Variants in CRYL1 observed in about 807,000 individuals in gnomAD.
The protein encoded by CRYL1 is crystallin lambda 1, also known as lambda-crystallin homolog.
CRYL1 carries 29 observed loss-of-function variants against 36.6 expected under a neutral mutation model. The ratio of observed to expected loss-of-function variants is 0.79; its 90% confidence interval spans 0.59 to 1.08. CRYL1 has a LOEUF of 1.08. CRYL1 is among the 50% of genes least tolerant of loss of function. CRYL1 has a pLI of 0.00. For missense variants in CRYL1, 411 were observed against 407.9 expected (o/e 1.01, Z -0.06); for synonymous variants, 152 against 151.5 (o/e 1.00, Z -0.02).
chr13:20,525,662 C>T lies in CRYL1; in HGVS notation c.41+92G>A. On this transcript the variant is annotated intron_variant, in intron 1 of 7. Transcript: ENST00000298248. This position sits in a 1 kb window ranked among gnomAD's most constrained non-coding sequence, Gnocchi z 4.3. ...GGAGGCCGGGGCGGGGACAGCGACC[C>T]GGCGCCCACCCCGAGGGCCCCACGC... 1 of 1,073,924 alleles carries T rather than the reference C, an allele frequency of 9.3e-7. No individual in the cohort carries two copies. The highest frequency in any genetic ancestry group is 1.2e-6 in the Non-Finnish European group (1 of 834,406). 66.5% of individuals were successfully genotyped at this position (1,073,924 alleles called of 1,614,324 possible).
At chr13:20,507,204 A>G (rs2033809266) in intron 2 of CRYL1, among the ~76,000 whole-genome samples, 1 of 152,220 alleles carries the variant, frequency 6.6e-6, no homozygotes. Context: ...ACAGACTAAT[A>G]CCGGATGGTT....
At chr13:20,421,328 G>T (rs2031809093) in intron 5 of CRYL1, among the ~76,000 whole-genome samples, 1 of 152,122 alleles carries the variant, frequency 6.6e-6, no homozygotes, top group Admixed American at 6.5e-5. Flanking sequence ...TTCTATGAGG[G>T]TAGTGATACT....
At chr13:20,484,038 C>G (rs1326634905) in intron 3 of CRYL1, among the ~76,000 whole-genome samples, 2 of 152,160 alleles carry the variant, frequency 1.3e-5, no homozygotes, top group African/African-American at 4.8e-5. Flanking sequence ...GGATGGTCTC[C>G]ATCTCCTGAC....
chr13:20,429,679 C>G (rs2032012372), intron 5 of CRYL1, among the ~76,000 whole-genome samples: 1 of 152,114 alleles, frequency 6.6e-6, no homozygotes, highest in Non-Finnish European at 1.5e-5. Context: ...GCCCCAGAGT[C>G]TTATGGAATA....
At chr13:20,410,433 A>G (rs2031489164) in intron 6 of CRYL1, among the ~76,000 whole-genome samples, 1 of 149,922 alleles carries the variant, frequency 6.7e-6, no homozygotes. Context: ...ACCTAATGCT[A>G]GATGACGAGT....
At chr13:20,452,900 T>A (rs2032600394) in intron 3 of CRYL1, among the ~76,000 whole-genome samples, 1 of 152,214 alleles carries the variant, frequency 6.6e-6, no homozygotes, top group African/African-American at 2.4e-5. Context: ...TTAACATATT[T>A]TGGGTATTAA....
intron 3 of CRYL1, among the ~76,000 whole-genome samples, chr13:20,470,969 T>TA (rs986269277): frequency 4.8e-5 from 7 of 147,108 alleles, no homozygotes; most frequent in South Asian, 2.1e-4. Context: ...AATCTTTCTT[T>TA]AAAAAAAAAT....
At chr13:20,484,935 G>C (rs1230687236) in intron 3 of CRYL1, among the ~76,000 whole-genome samples, 3 of 152,160 alleles carry the variant, frequency 2.0e-5, no homozygotes, top group African/African-American at 7.2e-5. Flanking sequence ...ATGTGGGGCA[G>C]CATTAGGTAG....
In CRYL1 at chr13:20,421,764, G is replaced by A. The variant is rs2031823236; in HGVS notation, c.634-8377C>T. ...ACCTATTGGTAATGATTGCTAGAAG[G>A]TGTTATAGTAACAGCATTTTCATTT... On this transcript the variant is annotated intron_variant, in intron 5 of 7. Transcript: ENST00000298248. Among the ~76,000 whole-genome samples the A allele has an allele frequency of 3.3e-5, 5 of 150,014 alleles. No homozygotes were observed. In the Admixed American group the frequency reaches 3.4e-4, roughly 10 times the overall value.
chr13:20,482,734 GCAGT>G (rs1248110217), intron 3 of CRYL1, among the ~76,000 whole-genome samples: 2 of 142,848 alleles, frequency 1.4e-5, no homozygotes, highest in African/African-American at 2.5e-5. Flanking sequence ...ATTGTGGCAA[GCAGT>G]CTGTGTGTGT....
chr13:20,437,529 G>A (rs1174103537), intron 4 of CRYL1, among the ~76,000 whole-genome samples: 2 of 152,112 alleles, frequency 1.3e-5, no homozygotes, highest in African/African-American at 4.8e-5. Flanking sequence ...GGATGGTTTC[G>A]ATCTCCTGAC....
chr13:20,450,356 A>G (rs1396804100), intron 3 of CRYL1, among the ~76,000 whole-genome samples: 1 of 152,228 alleles, frequency 6.6e-6, no homozygotes, highest in Non-Finnish European at 1.5e-5. Flanking sequence ...TCCTTATTCA[A>G]TAAATGGTGC....
intron 2 of CRYL1, among the ~76,000 whole-genome samples, chr13:20,491,982 AT>A (rs1459237894): frequency 2.0e-5 from 3 of 152,334 alleles, no homozygotes; most frequent in African/African-American, 4.8e-5. Flanking sequence ...GTGCCAGTAA[AT>A]AGATATTTGA....
chr13:20,461,297 G>A (rs2032812660), intron 3 of CRYL1, among the ~76,000 whole-genome samples: 1 of 152,138 alleles, frequency 6.6e-6, no homozygotes, highest in Non-Finnish European at 1.5e-5. Context: ...CCCCACAGAG[G>A]TTCAATGTTT....
At chr13:20,447,981 A>G (rs2032493164) in intron 3 of CRYL1, among the ~76,000 whole-genome samples, 1 of 152,258 alleles carries the variant, frequency 6.6e-6, no homozygotes, top group Non-Finnish European at 1.5e-5. Context: ...CACCCGAGAA[A>G]GTGATCTTTC....
At chr13:20,439,427 T>G (rs527373352) in intron 4 of CRYL1, among the ~76,000 whole-genome samples, 166 bp downstream of exon 4, 1 of 149,528 alleles carries the variant, frequency 6.7e-6, no homozygotes, top group East Asian at 2.0e-4. Flanking sequence ...CAATTTGAAC[T>G]GGCAAATTGT....
chr13:20,519,189 T>C (rs1186437700), intron 1 of CRYL1, among the ~76,000 whole-genome samples: 1 of 151,378 alleles, frequency 6.6e-6, no homozygotes, highest in Non-Finnish European at 1.5e-5. Flanking sequence ...ACTCCAACTT[T>C]AATGGGGAAG....
intron 2 of CRYL1, among the ~76,000 whole-genome samples, chr13:20,509,110 C>T (rs2033866975): frequency 6.6e-6 from 1 of 150,912 alleles, no homozygotes; most frequent in African/African-American, 2.4e-5. Flanking sequence ...AGGCGAATTG[C>T]TTGAACCCAG....
chr13:20,413,286 T>G lies in CRYL1; in HGVS notation c.735A>C (p.Ala245=). 6.2e-7 allele frequency: 1 copy of G among 1,601,986 alleles called. No homozygotes were observed. ...ATCCTGGCCCCAGATGCATACCTTCTGCATTGAGATGCATGGTTTCCAGGG... is the reference window on the plus strand; with the variant it reads ...ATCCTGGCCCCAGATGCATACCTTCGGCATTGAGATGCATGGTTTCCAGGG... ...IGPLETMHLN[A]EGMLSYCDRY... is the part of the protein sequence containing the mutation. The change falls in exon 6 of 8, where the codon GCA becomes GCC. Residue 245 remains alanine, a synonymous_variant. Transcript: ENST00000298248.
Sources: allele counts gnomAD v4.1 joint callset (sites outside exome capture counted in the v4.1 genomes callset), GRCh38; gene constraint gnomAD v4.1.1; non-coding constraint Gnocchi (gnomAD v3.1); transcripts MANE v1.5; gene names NCBI Gene and HGNC (gene_info 2026-07-23, HGNC 2026-07-21).